Variants in AUTS2 observed in about 807,000 individuals in gnomAD.
AUTS2 encodes the protein activator of transcription and developmental regulator AUTS2, also known as autism susceptibility gene 2 protein.
AUTS2 carries 17 observed loss-of-function variants against 112.4 expected under a neutral mutation model. The ratio of observed to expected loss-of-function variants is 0.15; its 90% CI spans 0.10 to 0.23. The LOEUF (loss-of-function observed/expected upper bound fraction) is 0.23, where lower values mean the gene tolerates loss of function less well. Ranked by LOEUF, AUTS2 falls within the 10% of genes least tolerant of loss-of-function variation. The probability of loss-of-function intolerance (pLI) is 1.00; values close to 1 mark genes in which losing one functional copy is unlikely to be tolerated. For missense variants in AUTS2, 1,510 were observed against 1,701.6 expected (o/e 0.89, Z 1.98); for synonymous variants, 751 against 702.7 (o/e 1.07, Z -1.09).
intron 5 of AUTS2, among the ~76,000 whole-genome samples, chr7:70,588,434 G>GCA (rs1223806725): frequency 1.3e-5 from 2 of 152,192 alleles, no homozygotes; most frequent in African/African-American, 2.4e-5. Context: ...AGAGAGAGGG[G>GCA]CAGGAGCTGC....
chr7:70,694,169 C>G lies in AUTS2; in HGVS notation c.691-4400C>G, dbSNP rs1386803388. 1 of 151,010 alleles carries G rather than the reference C, an allele frequency of 6.6e-6. No individual in the cohort carries two copies. The highest frequency in any genetic ancestry group is 1.5e-5 in the Non-Finnish European group (1 of 67,564). 9.4% of individuals were successfully genotyped at this position (151,010 alleles called of 1,614,324 possible). ...TACCGTCCAGCCAGGGAGCCCGCGG[C>G]GGCCGCCGATGGAGTTCACTTGAGC... On this transcript the variant is annotated intron_variant, in intron 5 of 18. Coordinates refer to ENST00000342771, the MANE Select transcript of AUTS2 (RefSeq NM_015570.4). The surrounding 1 kb of genome is among the most constrained non-coding windows in gnomAD (Gnocchi z 4.1).
chr7:70,455,517 T>C (rs1418584059), intron 5 of AUTS2, among the ~76,000 whole-genome samples: 1 of 152,154 alleles, frequency 6.6e-6, no homozygotes, highest in East Asian at 1.9e-4. Context: ...AACGCGGGAC[T>C]TCCCAGCAGC....
chr7:69,964,989 C>T (rs1797580560), intron 2 of AUTS2, among the ~76,000 whole-genome samples: 1 of 152,058 alleles, frequency 6.6e-6, no homozygotes, highest in African/African-American at 2.4e-5. Flanking sequence ...TTCCCTGAAG[C>T]TCTTGTCCTG....
intron 6 of AUTS2, among the ~76,000 whole-genome samples, chr7:70,736,285 C>G (rs1441184333): frequency 6.7e-6 from 1 of 150,200 alleles, no homozygotes; most frequent in Non-Finnish European, 1.5e-5. Context: ...AAAAAGCCAG[C>G]AGAAAAATCA....
intron 14 of AUTS2, among the ~76,000 whole-genome samples, chr7:70,778,648 A>G (rs910241607): frequency 6.6e-6 from 1 of 152,092 alleles, no homozygotes; most frequent in African/African-American, 2.4e-5. Context: ...GAGGTCACTA[A>G]GATATTTTGC....
intron 5 of AUTS2, among the ~76,000 whole-genome samples, chr7:70,463,709 A>G (rs941864870): frequency 1.3e-5 from 2 of 152,208 alleles, no homozygotes; most frequent in African/African-American, 4.8e-5. Context: ...CTTGCACTGC[A>G]TGGAGCACAC....
intron 2 of AUTS2, among the ~76,000 whole-genome samples, chr7:69,965,177 T>C (rs991847017): frequency 1.3e-5 from 2 of 152,172 alleles, no homozygotes; most frequent in Non-Finnish European, 2.9e-5. Context: ...CTTTTGGTGA[T>C]AGTTCCAAAT....
At chr7:69,705,013 C>T (rs1324646352) in intron 1 of AUTS2, among the ~76,000 whole-genome samples, 1 of 152,126 alleles carries the variant, frequency 6.6e-6, no homozygotes, top group Non-Finnish European at 1.5e-5. Context: ...ACTACAGGTG[C>T]ACACCACCAT....
chr7:69,851,360 T>G (rs933092827), intron 1 of AUTS2, among the ~76,000 whole-genome samples: 73 of 152,352 alleles, frequency 4.8e-4, no homozygotes, highest in African/African-American at 1.7e-3. Flanking sequence ...AGAACAATCT[T>G]GAACGTATTT....
intron 4 of AUTS2, among the ~76,000 whole-genome samples, chr7:70,423,869 G>A (rs1795323601): frequency 6.6e-6 from 1 of 152,064 alleles, no homozygotes; most frequent in South Asian, 2.1e-4. Flanking sequence ...AGAAATCCTT[G>A]CAGAATGTGA....
intron 4 of AUTS2, among the ~76,000 whole-genome samples, chr7:70,416,819 T>TCCTGCGCC (rs1795005664): frequency 6.6e-6 from 1 of 152,062 alleles, no homozygotes; most frequent in African/African-American, 2.4e-5. Flanking sequence ...GATTGCAGCC[T>TCCTGCGCC]CCTGCACCCC....
chr7:70,375,233 A>G (rs1793032913), intron 4 of AUTS2, among the ~76,000 whole-genome samples: 1 of 152,208 alleles, frequency 6.6e-6, no homozygotes, highest in South Asian at 2.1e-4. Context: ...TTCTATCTCA[A>G]AATCACTTGG....
chr7:70,564,277 C>T (rs183718505), intron 5 of AUTS2, among the ~76,000 whole-genome samples: 1 of 152,308 alleles, frequency 6.6e-6, no homozygotes, highest in East Asian at 1.9e-4. Flanking sequence ...GTCAGACTGC[C>T]TCAATCTTCT....
intron 6 of AUTS2, among the ~76,000 whole-genome samples, chr7:70,757,086 T>G (rs144066998): frequency 2.0e-4 from 31 of 152,356 alleles, no homozygotes; most frequent in Middle Eastern, 3.4e-3. Context: ...CAATGGGAAC[T>G]ATCTATTACG....
At chr7:69,715,297 T>G (rs1798551384) in intron 1 of AUTS2, among the ~76,000 whole-genome samples, 2 of 151,778 alleles carry the variant, frequency 1.3e-5, no homozygotes, top group Admixed American at 1.3e-4. Context: ...CAGCTGTGGT[T>G]GAAAGAAGAA....
At chr7:70,122,918 C>T (rs1266001063) in intron 3 of AUTS2, among the ~76,000 whole-genome samples, 1 of 136,352 alleles carries the variant, frequency 7.3e-6, no homozygotes, top group Non-Finnish European at 1.5e-5. Flanking sequence ...TCTTGTTGCT[C>T]AGCCTGGAGT....
At chr7:69,637,085 G>A (rs904182739) in intron 1 of AUTS2, among the ~76,000 whole-genome samples, 3 of 152,166 alleles carry the variant, frequency 2.0e-5, no homozygotes, top group African/African-American at 7.2e-5. Context: ...CATTTTAAAT[G>A]TCTGCATAAT....
intron 1 of AUTS2, among the ~76,000 whole-genome samples, chr7:69,797,212 A>T (rs75822347): frequency 1.5e-3 from 234 of 152,308 alleles, no homozygotes; most frequent in African/African-American, 5.6e-3. Context: ...CAGAGCCCAG[A>T]TACCCCTGCC....
chr7:69,787,947 GAC>G (rs1343598551), intron 1 of AUTS2, among the ~76,000 whole-genome samples: 1 of 152,144 alleles, frequency 6.6e-6, no homozygotes, highest in African/African-American at 2.4e-5. Flanking sequence ...TTTTATTAAG[GAC>G]AGATTTTTCA....
Sources: gnomAD v4.1 joint callset for allele counts (sites outside exome capture counted in the v4.1 genomes callset) on GRCh38, gnomAD v4.1.1 for gene constraint, Gnocchi (gnomAD v3.1) non-coding constraint, MANE v1.5 for transcripts, NCBI Gene and HGNC (gene_info 2026-07-23, HGNC 2026-07-21) for gene names.